ATP8A2: variants seen among roughly 807,000 people sequenced by gnomAD.
ATP8A2 encodes the protein ATPase phospholipid transporting 8A2, also known as phospholipid-transporting ATPase IB.
Under a neutral mutation model 165.6 loss-of-function variants are expected in ATP8A2, and 100 were observed. The ratio of observed to expected loss-of-function variants is 0.60; its 90% CI spans 0.51 to 0.71. The LOEUF is 0.71. Ranked by LOEUF, ATP8A2 falls within the 30% of genes least tolerant of loss-of-function variation. ATP8A2 has a pLI of 0.00. For synonymous variants in ATP8A2, 543 were observed against 548.8 expected, an observed-to-expected ratio of 0.99 and a Z score of 0.15; for missense variants, 1,227 against 1,479.5, an observed-to-expected ratio of 0.83 and a Z score of 2.80.
intron 24 of ATP8A2, among the ~76,000 whole-genome samples, chr13:25,693,213 C>T (rs1034876501): frequency 1.3e-5 from 2 of 152,202 alleles, no homozygotes; most frequent in Non-Finnish European, 2.9e-5. Context: ...TGCCCAATAA[C>T]TACCTTACAA....
Position 25,574,787 on chromosome 13 carries a change from A to G in ATP8A2, c.1663-21A>G, listed in dbSNP as rs200983857. The G allele has an allele frequency of 1.4e-5, 20 of 1,472,252 alleles. No individual in the cohort carries two copies. In the East Asian group the frequency reaches 4.3e-4, roughly 31 times the overall value. The allele number at this position is 1,472,252 out of a possible 1,614,324, so 91.2% of individuals were successfully genotyped here. A position where few individuals can be genotyped will look rare whatever the true frequency, so the allele number is the denominator to read the frequency against. ...TTTAATACTTTGCACCTCGGTTAAG[A>G]GCCTATTTTTCTTCCTTTAGATGGG... is the stretch of plus-strand genomic sequence containing the variant. On this transcript the variant is annotated intron_variant, in intron 18 of 36. Transcript: ENST00000381655.
chr13:25,428,088 G>A (rs1278985596), intron 1 of ATP8A2, among the ~76,000 whole-genome samples: 1 of 152,056 alleles, frequency 6.6e-6, no homozygotes, highest in Non-Finnish European at 1.5e-5. Flanking sequence ...GCAGGCTTAG[G>A]TGGAAGGATC....
At chr13:25,840,179 G>A (rs576737387) in intron 30 of ATP8A2, among the ~76,000 whole-genome samples, 2 of 152,172 alleles carry the variant, frequency 1.3e-5, no homozygotes, top group South Asian at 2.1e-4. Flanking sequence ...TGGCAGACTC[G>A]GCGTTTTTTC....
At chr13:25,731,246 A>G (rs868418959) in intron 25 of ATP8A2, among the ~76,000 whole-genome samples, 164 of 131,642 alleles carry the variant, frequency 1.2e-3, no homozygotes, top group African/African-American at 4.8e-3. Context: ...GAGAGAGAGG[A>G]AGGAAGGAAG....
chr13:25,894,979 A>C (rs932568266), intron 33 of ATP8A2, among the ~76,000 whole-genome samples: 11 of 152,192 alleles, frequency 7.2e-5, no homozygotes, highest in African/African-American at 9.7e-5. Context: ...GTCATCTGCA[A>C]ACAGGGAGAA....
At chr13:25,922,714 C>T (rs947859700) in intron 33 of ATP8A2, among the ~76,000 whole-genome samples, 2 of 152,184 alleles carry the variant, frequency 1.3e-5, no homozygotes, top group African/African-American at 2.4e-5. Flanking sequence ...ACATCTAATA[C>T]GTCCACACAG....
chr13:25,399,109 G>A (rs1386290169), intron 1 of ATP8A2, among the ~76,000 whole-genome samples: 1 of 152,146 alleles, frequency 6.6e-6, no homozygotes, highest in East Asian at 1.9e-4. Context: ...ATCTGCATGT[G>A]TAAATAACCA....
rs558257441 is a variant in ATP8A2, at chr13:25,785,494, GT to G, written c.2679+10540del. ...TTATGTAGTTGACTTTACCAATTAGGTTTTTCCTTGCTAAGTTTTCTTTTCA... is the reference window on the plus strand; with the variant it reads ...TTATGTAGTTGACTTTACCAATTAGGTTTTCCTTGCTAAGTTTTCTTTTCA... On this transcript the variant is annotated intron_variant, in intron 27 of 36. Coordinates refer to ENST00000381655, the MANE Select transcript of ATP8A2 (RefSeq NM_016529.6). Among the ~76,000 whole-genome samples the G allele has an allele frequency of 5.3e-5, 8 of 152,142 alleles. No individual in the cohort carries two copies. In the South Asian group the frequency reaches 1.7e-3, roughly 32 times the overall value.
At chr13:26,018,461 C>CA (rs1957031304) in intron 36 of ATP8A2, among the ~76,000 whole-genome samples, 1 of 152,182 alleles carries the variant, frequency 6.6e-6, no homozygotes. Flanking sequence ...CTTCTTTTCT[C>CA]CTTTTAAAGA....
intron 1 of ATP8A2, among the ~76,000 whole-genome samples, chr13:25,385,421 C>T (rs1363159783): frequency 6.6e-6 from 1 of 152,188 alleles, no homozygotes; most frequent in Non-Finnish European, 1.5e-5. Flanking sequence ...AGTAATACCT[C>T]CTTCACTGAA....
intron 30 of ATP8A2, among the ~76,000 whole-genome samples, chr13:25,848,926 T>C (rs1951941720): frequency 6.6e-6 from 1 of 152,094 alleles, no homozygotes; most frequent in African/African-American, 2.4e-5. Flanking sequence ...ATATCTTCAC[T>C]CTTGATGTAA....
At chr13:25,869,816 G>A (rs2138801064) in intron 33 of ATP8A2, among the ~76,000 whole-genome samples, 1 of 152,310 alleles carries the variant, frequency 6.6e-6, no homozygotes, top group East Asian at 1.9e-4. Flanking sequence ...AGTGTCTAGG[G>A]GTGAATGTTT....
chr13:25,693,088 A>G (rs2042760569), intron 24 of ATP8A2, among the ~76,000 whole-genome samples: 1 of 152,182 alleles, frequency 6.6e-6, no homozygotes, highest in Non-Finnish European at 1.5e-5. Context: ...TTGGCTTTTT[A>G]TTAAAATAAG....
chr13:25,826,167 T>C (rs79759416), intron 27 of ATP8A2, among the ~76,000 whole-genome samples: 2,021 of 152,316 alleles, frequency 0.013, 46 homozygotes, highest in African/African-American at 0.046. Flanking sequence ...TATTCTACAC[T>C]GAACTTGGAA....
chr13:25,864,430 G>C (rs74039576), intron 33 of ATP8A2, among the ~76,000 whole-genome samples: 2,006 of 152,108 alleles, frequency 0.013, 52 homozygotes, highest in African/African-American at 0.044. Context: ...ACTGCAGAAG[G>C]ACCAGGCTGA....
intron 1 of ATP8A2, among the ~76,000 whole-genome samples, chr13:25,374,656 G>T (rs2032552560): frequency 6.6e-6 from 1 of 152,150 alleles, no homozygotes; most frequent in South Asian, 2.1e-4. Flanking sequence ...CGGGTTGTGA[G>T]GGATCTTGCT....
At chr13:25,424,668 G>C (rs1423844905) in intron 1 of ATP8A2, among the ~76,000 whole-genome samples, 1 of 152,192 alleles carries the variant, frequency 6.6e-6, no homozygotes, top group East Asian at 1.9e-4. Context: ...GTTCAATAAA[G>C]ATGGCTTGGC....
intron 1 of ATP8A2, among the ~76,000 whole-genome samples, chr13:25,441,142 G>C (rs2034921139): frequency 6.6e-6 from 1 of 152,094 alleles, no homozygotes; most frequent in Non-Finnish European, 1.5e-5. Context: ...ATTTATTTCA[G>C]TTTAAATACC....
chr13:25,931,450 C>G (rs569796541), intron 33 of ATP8A2, among the ~76,000 whole-genome samples: 2 of 152,224 alleles, frequency 1.3e-5, no homozygotes, highest in South Asian at 4.2e-4. Flanking sequence ...TGGCTCCTGT[C>G]CTATGCTAAG....
Sources: gnomAD v4.1 joint callset for allele counts (sites outside exome capture counted in the v4.1 genomes callset) on GRCh38, gnomAD v4.1.1 for gene constraint, MANE v1.5 for transcripts, NCBI Gene and HGNC (gene_info 2026-07-23, HGNC 2026-07-21) for gene names.